The following CCDC141 variants were observed in gnomAD, a reference collection of about 807,000 sequenced individuals.
CCDC141 encodes coiled-coil domain containing 141.
A neutral mutation model predicts 181.0 loss-of-function variants in CCDC141; 168 were observed. The ratio of observed to expected loss-of-function variants is 0.93; its 90% CI spans 0.82 to 1.05. The LOEUF is 1.05. Ranked by LOEUF, CCDC141 falls within the 50% of genes least tolerant of loss-of-function variation. The pLI, the probability that CCDC141 is intolerant of heterozygous loss-of-function variation, is 0.00. For missense variants in CCDC141, 1,902 were observed against 1,788.5 expected, an observed-to-expected ratio of 1.06 and a Z score of -1.14; for synonymous variants, 666 against 642.3, an observed-to-expected ratio of 1.04 and a Z score of -0.56.
chr2:179,015,131 C>CATATATAT (rs2042426455), intron 2 of CCDC141, among the ~76,000 whole-genome samples: 1 of 59,472 alleles, frequency 1.7e-5, no homozygotes, highest in Non-Finnish European at 3.1e-5. Flanking sequence ...ATATATATAT[C>CATATATAT]ATATCATATA....
chr2:178,889,573 C>A (rs1297785961), intron 8 of CCDC141, among the ~76,000 whole-genome samples: 7 of 152,074 alleles, frequency 4.6e-5, no homozygotes, highest in Non-Finnish European at 1.0e-4. Flanking sequence ...AGTCATTTTA[C>A]CTCAAAATAA....
intron 2 of CCDC141, among the ~76,000 whole-genome samples, chr2:179,033,963 A>T (rs2043068676): frequency 6.6e-6 from 1 of 152,218 alleles, no homozygotes; most frequent in African/African-American, 2.4e-5. Flanking sequence ...TGAAAAAAGC[A>T]TAAATTACTA....
chr2:178,957,233 C>G (rs1051671827), intron 5 of CCDC141, among the ~76,000 whole-genome samples: 2 of 152,142 alleles, frequency 1.3e-5, no homozygotes, highest in African/African-American at 4.8e-5. Context: ...GAAACTAATA[C>G]GTATTAAGTA....
At chr2:178,931,882 A>T (rs1156357531) in intron 6 of CCDC141, among the ~76,000 whole-genome samples, 3 of 152,098 alleles carry the variant, frequency 2.0e-5, no homozygotes, top group Non-Finnish European at 4.4e-5. Context: ...ACTGTTATAT[A>T]TGGCCAGATA....
At chr2:178,839,181 A>G (rs554561103) in intron 22 of CCDC141, among the ~76,000 whole-genome samples, 137 of 152,260 alleles carry the variant, frequency 9.0e-4, no homozygotes, top group African/African-American at 3.0e-3. Flanking sequence ...TGGGAGGCCA[A>G]GGTAGGGGGA....
At chr2:178,822,638 G>A in the CCDC141 span, among the ~76,000 whole-genome samples, 2 of 151,972 alleles carry the variant, frequency 1.3e-5, no homozygotes, top group Admixed American at 1.3e-4. Flanking sequence ...TTGCATAAAG[G>A]TACATGATAA....
At chr2:179,016,461 A>C (rs978602100) in intron 2 of CCDC141, among the ~76,000 whole-genome samples, 2 of 152,150 alleles carry the variant, frequency 1.3e-5, no homozygotes, top group African/African-American at 4.8e-5. Context: ...ACAGTTAGTA[A>C]ATCTAAGTGA....
At chr2:178,988,415 C>T (rs902950054) in intron 2 of CCDC141, among the ~76,000 whole-genome samples, 13 of 150,866 alleles carry the variant, frequency 8.6e-5, no homozygotes, top group East Asian at 3.9e-4. Context: ...CACATGTATA[C>T]GTATGTAACT....
At chr2:178,824,617 C>CAAAAAAAA in the CCDC141 span, among the ~76,000 whole-genome samples, 3 of 52,292 alleles carry the variant, frequency 5.7e-5, no homozygotes, top group South Asian at 1.1e-3. Flanking sequence ...GAGACTTCGT[C>CAAAAAAAA]AAAAAAAAAA....
At chr2:178,929,349 T>G (rs1689016318) in intron 6 of CCDC141, among the ~76,000 whole-genome samples, 1 of 152,138 alleles carries the variant, frequency 6.6e-6, no homozygotes, top group African/African-American at 2.4e-5. Context: ...TTTATACAGG[T>G]TAATAAATGC....
rs573144826 is a variant in CCDC141 at position 178,881,662 on chromosome 2, ATCTTCT to A, written c.1719+3233_1719+3238del. Among the ~76,000 whole-genome samples, 576 of 152,156 alleles carry A rather than the reference ATCTTCT, an allele frequency of 3.8e-3. 7 individuals carry two copies. The highest frequency in any genetic ancestry group is 0.013 in the African/African-American group (558 of 41,526). On this transcript the variant is annotated intron_variant, in intron 11 of 23. Transcript: ENST00000443758. The stretch of plus-strand genomic sequence containing the variant: ...GGATGAGCAAGTAGAGGTGAGGAAT[ATCTTCT>A]TCCCATTTCAAGAGTCCAAATTTGA...
intron 2 of CCDC141, among the ~76,000 whole-genome samples, chr2:178,984,900 A>G (rs1691645076): frequency 6.6e-6 from 1 of 151,130 alleles, no homozygotes; most frequent in Admixed American, 6.6e-5. Context: ...AACATTAGAC[A>G]GATCAACGAG....
intron 3 of CCDC141, among the ~76,000 whole-genome samples, chr2:178,976,268 A>G (rs1234484815): frequency 1.3e-5 from 2 of 152,150 alleles, no homozygotes; most frequent in East Asian, 3.8e-4. Context: ...TTTAGAATAA[A>G]CTAATTAAGG....
chr2:178,991,665 C>A (rs1278838115), intron 2 of CCDC141, among the ~76,000 whole-genome samples: 1 of 151,866 alleles, frequency 6.6e-6, no homozygotes, highest in African/African-American at 2.4e-5. Context: ...TTCAAAATAA[C>A]TAAAAGTAAA....
chr2:179,015,118 CATAT>C (rs746795745), intron 2 of CCDC141, among the ~76,000 whole-genome samples: 1 of 25,946 alleles, frequency 3.9e-5, no homozygotes, highest in Non-Finnish European at 1.2e-4. Context: ...TATATATAAT[CATAT>C]ATATATATCA....
chr2:178,872,501 A>C (rs1686165379), intron 12 of CCDC141, among the ~76,000 whole-genome samples, 189 bp from the exon 13 acceptor site: 1 of 152,152 alleles, frequency 6.6e-6, no homozygotes, highest in South Asian at 2.1e-4. Context: ...CTGTGCTTAG[A>C]CATCCGGTCC....
At chr2:179,045,706 A>G (rs2009639) in intron 2 of CCDC141, among the ~76,000 whole-genome samples, 113,853 of 151,596 alleles carry the variant, frequency 0.75, 43,318 homozygotes, top group East Asian at 0.93. Flanking sequence ...TTGCCATTCT[A>G]ACTGGTGTGA....
intron 2 of CCDC141, among the ~76,000 whole-genome samples, chr2:179,011,083 G>C (rs1454201499): frequency 6.6e-6 from 1 of 150,908 alleles, no homozygotes; most frequent in African/African-American, 2.4e-5. Context: ...ACTTGAACCT[G>C]GGAGGCAGAG....
chr2:178,835,003 C>T (rs1207110722), intron 23 of CCDC141, among the ~76,000 whole-genome samples: 2 of 151,958 alleles, frequency 1.3e-5, no homozygotes, highest in Non-Finnish European at 2.9e-5. Context: ...TCCAGCTACC[C>T]CTAAAAACAA....
Sources: allele counts gnomAD v4.1 joint callset (sites outside exome capture counted in the v4.1 genomes callset), GRCh38; gene constraint gnomAD v4.1.1; transcripts MANE v1.5; gene names NCBI Gene and HGNC (gene_info 2026-07-23, HGNC 2026-07-21).